Variants in ZNF875 observed in about 807,000 individuals in gnomAD.
ZNF875 encodes zinc finger protein 875.
ZNF875 carries 14 observed loss-of-function variants against 11.2 expected under a neutral mutation model. That is an observed-to-expected ratio of 1.26 (90% CI 0.83 to 1.96). The LOEUF is 1.96. ZNF875 is among the 30% of genes most tolerant of loss of function. ZNF875 has a pLI of 0.00. For missense variants in ZNF875, 752 were observed against 760.4 expected (o/e 0.99, Z 0.13); for synonymous variants, 301 against 281.1 (o/e 1.07, Z -0.71).
Position 37,356,455 on chromosome 19 carries a change from A to G in ZNF875, c.257-5654A>G, listed in dbSNP as rs144638854. On this transcript the variant is annotated intron_variant, in intron 4 of 4. Transcript: ENST00000392153. Reference sequence around the variant, plus strand: ...TTTTGTTTGTTTGTTTGTTTGTTTAACTTTTTAATAATAGCCATTCTGACT... The same window carrying G: ...TTTTGTTTGTTTGTTTGTTTGTTTAGCTTTTTAATAATAGCCATTCTGACT... Among the ~76,000 whole-genome samples, 684 of 152,092 alleles carry G rather than the reference A, an allele frequency of 4.5e-3. 9 individuals are homozygous for G. Among genetic ancestry groups the G allele is most frequent in the African/African-American group, 0.016 (656 of 41,496 alleles).
At chr19:37,313,477 C>G (rs2030049265), upstream of ZNF875, among the ~76,000 whole-genome samples, 1 of 152,156 alleles carries the variant, frequency 6.6e-6, no homozygotes, top group African/African-American at 2.4e-5. Flanking sequence ...ATTCCACACT[C>G]TCTCACTGAT....
At chr19:37,313,115 G>A (rs1448625866), upstream of ZNF875, 1 of 152,128 alleles carries the variant, frequency 6.6e-6, no homozygotes, top group Non-Finnish European at 1.5e-5. Context: ...AGGACCTAGC[G>A]ACTGCCCAGA....
intron 2 of ZNF875, among the ~76,000 whole-genome samples, chr19:37,341,912 G>T (rs548839357): frequency 6.6e-6 from 1 of 152,334 alleles, no homozygotes; most frequent in East Asian, 1.9e-4. Context: ...CTCCCATTCA[G>T]AAAGGACAGG....
At position 37,339,544 on chromosome 19, in the gene ZNF875, GT is replaced by G. The variant is rs572775539; in HGVS notation, c.33+4307del. Among the ~76,000 whole-genome samples the G allele has an allele frequency of 2.4e-3, 276 of 115,728 alleles. 1 individual carries two copies. Among genetic ancestry groups the G allele is most frequent in the African/African-American group, 7.2e-3 (215 of 29,730 alleles). 75.9% of individuals were successfully genotyped at this position (115,728 alleles called of 152,430 possible). ...GCAGTTGGAGATTTGAACCCTGCCA[GT>G]TTTTTTTTTTTTTTTTTTTGAGACA... On this transcript the variant is annotated intron_variant, in intron 2 of 4. Coordinates refer to ENST00000392153, the MANE Select transcript of ZNF875 (RefSeq NM_001353803.2).
At position 37,362,343 on chromosome 19, in the gene ZNF875, T is replaced by C. The variant is rs1463495563; in HGVS notation, c.491T>C (p.Leu164Pro). Residue 164 changes from leucine to proline, a missense_variant, in exon 5 of 5, where the codon CTG (leucine) becomes CCG (proline). Leu to Pro is a moderately conservative substitution (Grantham distance 98, BLOSUM62 -3). Transcript: ENST00000392153. ...CAAGAGGGAGAAGACTCCAGACTCCTGTTTGGGAGAGTAAGCAAAAATGGC... is the reference window on the plus strand; with the variant it reads ...CAAGAGGGAGAAGACTCCAGACTCCCGTTTGGGAGAGTAAGCAAAAATGGC... Reference protein sequence around the residue: ...WIQEGEDSRLLFGRVSKNGTS... With the variant: ...WIQEGEDSRLPFGRVSKNGTS... 2 of 1,614,032 alleles carry C rather than the reference T, an allele frequency of 1.2e-6. No homozygotes were observed. The highest frequency in any genetic ancestry group is 1.7e-6 in the Non-Finnish European group (2 of 1,180,030).
At position 37,364,147 on chromosome 19, in the gene ZNF875, A is replaced by T; in HGVS notation, c.*372A>T. On this transcript the variant is annotated 3_prime_UTR_variant, in exon 5 of 5. Transcript: ENST00000392153. Reference sequence around the variant, plus strand: ...GGCTAAATCCTCATACTGAATTGAGAACCTGTCTTCCCATTTGGTGTGCTT... The same window carrying T: ...GGCTAAATCCTCATACTGAATTGAGTACCTGTCTTCCCATTTGGTGTGCTT... The T allele has an allele frequency of 4.7e-6, 1 of 211,978 alleles. No individual in the cohort carries two copies. The highest frequency in any genetic ancestry group is 9.4e-6 in the Non-Finnish European group (1 of 105,980). 13.1% of individuals were successfully genotyped at this position (211,978 alleles called of 1,614,324 possible). A position where few individuals can be genotyped will look rare whatever the true frequency, so the allele number is the denominator to read the frequency against.
At position 37,350,106 on chromosome 19, in the gene ZNF875, CTTTTTTTT is replaced by C. The variant is rs34388347; in HGVS notation, c.256+2251_256+2258del. ...GCCACCACGCCCGGCCCCCACTGGCCTTTTTTTTTTTTTTTTTTTTTTTTAATACAGAG... is the reference window on the plus strand; with the variant it reads ...GCCACCACGCCCGGCCCCCACTGGCCTTTTTTTTTTTTTTTTAATACAGAG... On this transcript the variant is annotated intron_variant, in intron 4 of 4. Transcript: ENST00000392153. Among the ~76,000 whole-genome samples the C allele has an allele frequency of 1.4e-4, 9 of 63,676 alleles. No homozygotes were observed. The South Asian group carries it at 2.6e-3, about 19-fold the overall frequency. 41.8% of individuals were successfully genotyped at this position (63,676 alleles called of 152,430 possible). A position where few individuals can be genotyped will look rare whatever the true frequency, so the allele number is the denominator to read the frequency against.
chr19:37,363,251 A>T lies in ZNF875; in HGVS notation c.1399A>T (p.Lys467Ter). Residue 467 changes from lysine (K) to a stop codon, truncating the protein, a stop_gained, in exon 5 of 5, where the codon AAA becomes TAA. Transcript: ENST00000392153. LOFTEE classifies it low-confidence loss of function (END_TRUNC). ...QCFSLKSNLN[K>*]HQRSHTGEKP... ...CTTTAGCCTGAAGTCAAACCTTAAC[A>T]AACACCAGAGGTCACACACGGGGGA... is the stretch of plus-strand genomic sequence containing the variant. 2 of 1,613,930 alleles carry T rather than the reference A, an allele frequency of 1.2e-6. No homozygotes were observed. Among genetic ancestry groups the T allele is most frequent in the Non-Finnish European group, 1.7e-6 (2 of 1,179,940 alleles).
At chr19:37,336,520 C>T (rs940671385) in intron 2 of ZNF875, among the ~76,000 whole-genome samples, 6 of 149,060 alleles carry the variant, frequency 4.0e-5, no homozygotes, top group Middle Eastern at 3.4e-3. Flanking sequence ...AGGATGGTCT[C>T]GATCTCCTGA....
intron 4 of ZNF875, chr19:37,329,041 A>C (rs2032974041): frequency 6.6e-6 from 1 of 152,100 alleles, no homozygotes; most frequent in Non-Finnish European, 1.5e-5. Context: ...GAGACCCAAC[A>C]ATCTGTGTTT....
At chr19:37,314,596 G>T (rs575847694), upstream of ZNF875, among the ~76,000 whole-genome samples, 217 of 152,132 alleles carry the variant, frequency 1.4e-3, no homozygotes, top group Non-Finnish European at 2.2e-4. Context: ...AGGAAAAGGT[G>T]GGGGACTCAC....
rs946313626 is a variant in ZNF875 at position 37,334,702 on chromosome 19, C to G, written c.-137C>G. 14 of 455,956 alleles carry G rather than the reference C, an allele frequency of 3.1e-5. No individual in the cohort carries two copies. Among genetic ancestry groups the G allele is most frequent in the Admixed American group, 1.6e-4 (7 of 42,556 alleles). 28.2% of individuals were successfully genotyped at this position (455,956 alleles called of 1,614,324 possible). On this transcript the variant is annotated 5_prime_UTR_variant, in exon 1 of 5. Transcript: ENST00000392153. ...AGCTGGTTGGGACCCGGGAAGGCCT[C>G]CCTCTTAAGGTCTTTCCCACACCTC... is the stretch of plus-strand genomic sequence containing the variant.
Position 37,334,718 on chromosome 19 carries a change from C to T in ZNF875, c.-121C>T, listed in dbSNP as rs2033934902. On this transcript the variant is annotated 5_prime_UTR_variant, in exon 1 of 5. Coordinates refer to ENST00000392153, the MANE Select transcript of ZNF875 (RefSeq NM_001353803.2). ...GGAAGGCCTCCCTCTTAAGGTCTTT[C>T]CCACACCTCTGCACCTTGTTACCTG... The T allele has an allele frequency of 2.2e-6, 1 of 456,120 alleles. No individual in the cohort carries two copies. The highest frequency in any genetic ancestry group is 4.4e-6 in the Non-Finnish European group (1 of 226,834). The allele number at this position is 456,120 out of a possible 1,614,324, so 28.3% of individuals were successfully genotyped here. A position where few individuals can be genotyped will look rare whatever the true frequency, so the allele number is the denominator to read the frequency against.
chr19:37,348,138 T>G (rs574072796), intron 4 of ZNF875, among the ~76,000 whole-genome samples: 6 of 152,344 alleles, frequency 3.9e-5, no homozygotes, highest in African/African-American at 1.4e-4. Context: ...CACTGTCTTC[T>G]TTCTCACCTG....
intron 2 of ZNF875, among the ~76,000 whole-genome samples, chr19:37,336,063 A>G (rs188044986): frequency 4.6e-5 from 7 of 152,264 alleles, no homozygotes; most frequent in Admixed American, 2.0e-4. Context: ...ATACATGCGT[A>G]ATTGTTCAGT....
chr19:37,334,503 G>T (rs1397076947), upstream of ZNF875: 1 of 339,834 alleles, frequency 2.9e-6, no homozygotes, highest in Non-Finnish European at 5.9e-6. Context: ...TTGGTTGTGT[G>T]CGCTGTGCAG....
intron 4 of ZNF875, chr19:37,358,130 G>GTT: frequency 5.4e-6 from 1 of 184,980 alleles, no homozygotes; most frequent in Non-Finnish European, 1.0e-5. Flanking sequence ...CTATTAAGAT[G>GTT]ATCTTTTTTT....
chr19:37,320,018 G>A (rs1429972223), intron 1 of ZNF875, among the ~76,000 whole-genome samples: 1 of 152,148 alleles, frequency 6.6e-6, no homozygotes, highest in African/African-American at 2.4e-5. Flanking sequence ...TCTCCCAGTA[G>A]CTGGGACTAC....
intron 4 of ZNF875, among the ~76,000 whole-genome samples, chr19:37,327,533 C>T (rs1251845822): frequency 2.0e-5 from 3 of 151,588 alleles, no homozygotes; most frequent in African/African-American, 4.8e-5. Context: ...TTTGGGAGGC[C>T]GAGGCGGGCA....
Sources: allele counts gnomAD v4.1 joint callset (sites outside exome capture counted in the v4.1 genomes callset), GRCh38; gene constraint gnomAD v4.1.1; transcripts MANE v1.5; gene names NCBI Gene and HGNC (gene_info 2026-07-23, HGNC 2026-07-21).